JAZF1: variants seen among roughly 807,000 people sequenced by gnomAD.
The protein encoded by JAZF1 is JAZF zinc finger 1.
JAZF1 carries 8 observed loss-of-function variants against 26.4 expected under a neutral mutation model. The ratio of observed to expected loss-of-function variants is 0.30; its 90% CI spans 0.18 to 0.55. The LOEUF is 0.55. JAZF1 is among the 20% of genes least tolerant of loss of function. The pLI, the probability that JAZF1 is intolerant of heterozygous loss-of-function variation, is 0.94. For missense variants in JAZF1, 199 were observed against 322.0 expected, an observed-to-expected ratio of 0.62 and a Z score of 2.92; for synonymous variants, 126 against 122.3, an observed-to-expected ratio of 1.03 and a Z score of -0.20.
chr7:27,985,531 G>A (rs38512), intron 2 of JAZF1, among the ~76,000 whole-genome samples: 8,684 of 152,236 alleles, frequency 0.057, 361 homozygotes, highest in Non-Finnish European at 0.088. Flanking sequence ...GGTACAAAGA[G>A]GAGCTGGTAC....
At chr7:28,081,301 T>G (rs1481781579) in intron 1 of JAZF1, among the ~76,000 whole-genome samples, 1 of 151,842 alleles carries the variant, frequency 6.6e-6, no homozygotes, top group African/African-American at 2.4e-5. Flanking sequence ...AAACAGTAAA[T>G]GAAGACAGGA....
intron 1 of JAZF1, among the ~76,000 whole-genome samples, chr7:28,074,949 T>C (rs1027268261): frequency 6.6e-6 from 1 of 152,180 alleles, no homozygotes; most frequent in Non-Finnish European, 1.5e-5. Context: ...TACTCCTGAA[T>C]TGTGTCCTCA....
chr7:27,997,660 T>A (rs1377770701), intron 1 of JAZF1, among the ~76,000 whole-genome samples: 1 of 152,096 alleles, frequency 6.6e-6, no homozygotes, highest in Non-Finnish European at 1.5e-5. Context: ...CCTCAAACTC[T>A]GGGCTCAAGA....
intron 1 of JAZF1, among the ~76,000 whole-genome samples, chr7:28,029,283 A>G (rs1252993320): frequency 6.6e-6 from 1 of 152,238 alleles, no homozygotes; most frequent in Non-Finnish European, 1.5e-5. Flanking sequence ...GCAAAATTTT[A>G]GTCAGAAAAC....
chr7:28,147,111 G>A (rs1783039556), intron 1 of JAZF1, among the ~76,000 whole-genome samples: 1 of 151,992 alleles, frequency 6.6e-6, no homozygotes, highest in Non-Finnish European at 1.5e-5. Context: ...CTCCCAAAGT[G>A]CTGGGATTAT....
chr7:27,912,357 T>G (rs1472076316), intron 2 of JAZF1, among the ~76,000 whole-genome samples: 1 of 152,214 alleles, frequency 6.6e-6, no homozygotes, highest in Admixed American at 6.5e-5. Flanking sequence ...TTATTGGAAG[T>G]GAAAAGTCTG....
At chr7:28,164,310 C>T (rs956504437) in intron 1 of JAZF1, among the ~76,000 whole-genome samples, 1 of 152,234 alleles carries the variant, frequency 6.6e-6, no homozygotes, top group Non-Finnish European at 1.5e-5. Context: ...ATTGTAGCAG[C>T]AGCTGATCAT....
Position 28,023,702 on chromosome 7 carries a change from C to T in JAZF1, c.116-31721G>A, listed in dbSNP as rs534895785. On this transcript the variant is annotated intron_variant, in intron 1 of 4. Transcript: ENST00000283928. The stretch of plus-strand genomic sequence containing the variant: ...AATGAGTCCAGCACTGGGCTAGGCG[C>T]TAAGGCAAAGTGAACCATACGGACA... Among the ~76,000 whole-genome samples, 54 of 152,290 alleles carry T rather than the reference C, an allele frequency of 3.5e-4. No individual in the cohort carries two copies. In the South Asian group the frequency reaches 0.011, roughly 30 times the overall value.
intron 1 of JAZF1, among the ~76,000 whole-genome samples, chr7:28,092,476 T>C (rs1784318779): frequency 6.9e-6 from 1 of 145,102 alleles, no homozygotes; most frequent in African/African-American, 2.8e-5. Context: ...TAAGCAATAT[T>C]AAAAGTATAT....
intron 2 of JAZF1, among the ~76,000 whole-genome samples, chr7:27,911,849 T>C (rs2128345515): frequency 6.6e-6 from 1 of 152,330 alleles, no homozygotes; most frequent in Non-Finnish European, 1.5e-5. Context: ...ATACCTGCAG[T>C]ATAAATGGCA....
At chr7:27,869,229 T>A (rs1206503224) in intron 3 of JAZF1, among the ~76,000 whole-genome samples, 1 of 152,166 alleles carries the variant, frequency 6.6e-6, no homozygotes, top group Non-Finnish European at 1.5e-5. Context: ...CATGGCCTAA[T>A]AAATCACACC....
At chr7:28,020,051 A>T (rs1782977741) in intron 1 of JAZF1, among the ~76,000 whole-genome samples, 1 of 152,016 alleles carries the variant, frequency 6.6e-6, no homozygotes, top group South Asian at 2.1e-4. Flanking sequence ...CCTGAACACC[A>T]CTTCTCCCTC....
intron 1 of JAZF1, among the ~76,000 whole-genome samples, chr7:28,006,979 C>T (rs1035334254): frequency 6.6e-6 from 1 of 152,028 alleles, no homozygotes; most frequent in African/African-American, 2.4e-5. Context: ...CTTGTATGAC[C>T]CAACATCATC....
chr7:27,894,860 T>C (rs1331586282), intron 3 of JAZF1, among the ~76,000 whole-genome samples: 1 of 152,198 alleles, frequency 6.6e-6, no homozygotes, highest in Non-Finnish European at 1.5e-5. Flanking sequence ...GATACAATTA[T>C]TTTAACTGTT....
At chr7:27,886,091 T>G (rs893122858) in intron 3 of JAZF1, among the ~76,000 whole-genome samples, 1 of 152,356 alleles carries the variant, frequency 6.6e-6, no homozygotes, top group South Asian at 2.1e-4. Flanking sequence ...GGGATATTCC[T>G]ATGCTGATTT....
At chr7:27,860,610 T>G (rs1230504617) in intron 3 of JAZF1, among the ~76,000 whole-genome samples, 1 of 152,196 alleles carries the variant, frequency 6.6e-6, no homozygotes, top group African/African-American at 2.4e-5. Flanking sequence ...ACAACAACCC[T>G]TTTAGGTGAG....
intron 2 of JAZF1, among the ~76,000 whole-genome samples, chr7:27,936,403 C>T (rs1784763598): frequency 6.6e-6 from 1 of 152,216 alleles, no homozygotes; most frequent in Non-Finnish European, 1.5e-5. Context: ...CTCTCTTCCT[C>T]ATACGTGTCT....
At chr7:27,883,561 C>T (rs575932995) in intron 3 of JAZF1, among the ~76,000 whole-genome samples, 2 of 152,312 alleles carry the variant, frequency 1.3e-5, no homozygotes, top group South Asian at 2.1e-4. Flanking sequence ...GATTTAAGTG[C>T]CTGCCCGTCA....
intron 1 of JAZF1, among the ~76,000 whole-genome samples, chr7:28,100,766 T>TCA (rs1163050682): frequency 1.3e-4 from 20 of 152,240 alleles, no homozygotes; most frequent in African/African-American, 4.6e-4. Flanking sequence ...GCTGAAATTC[T>TCA]GAGAAGCAAA....
Sources: gnomAD v4.1 joint callset for allele counts (sites outside exome capture counted in the v4.1 genomes callset) on GRCh38, gnomAD v4.1.1 for gene constraint, MANE v1.5 for transcripts, NCBI Gene and HGNC (gene_info 2026-07-23, HGNC 2026-07-21) for gene names.